ARID1B: variants seen among roughly 807,000 people sequenced by gnomAD.
ARID1B encodes AT-rich interaction domain 1B.
In ARID1B, 30 loss-of-function variants were observed where a neutral mutation model predicts 212.3. The ratio of observed to expected loss-of-function variants is 0.14; its 90% CI spans 0.11 to 0.19. ARID1B has a LOEUF of 0.19. Ranked by LOEUF, ARID1B falls within the 10% of genes least tolerant of loss-of-function variation. The pLI is 1.00. For synonymous variants in ARID1B, 1,402 were observed against 1,301.7 expected, an observed-to-expected ratio of 1.08 and a Z score of -1.66; for missense variants, 2,891 against 3,204.0, an observed-to-expected ratio of 0.90 and a Z score of 2.36.
intron 4 of ARID1B, among the ~76,000 whole-genome samples, chr6:156,986,118 A>G (rs532851068): frequency 8.5e-5 from 13 of 152,218 alleles, no homozygotes; most frequent in African/African-American, 3.1e-4. Context: ...TCTAGGGAGG[A>G]TCTCTAGCTC....
intron 3 of ARID1B, among the ~76,000 whole-genome samples, chr6:156,932,345 T>C (rs1399576213): frequency 6.6e-6 from 1 of 152,176 alleles, no homozygotes; most frequent in Non-Finnish European, 1.5e-5. Context: ...ACAGTACTGA[T>C]GAATTCTGAA....
At chr6:157,106,905 G>A (rs188730078) in intron 5 of ARID1B, among the ~76,000 whole-genome samples, 127 of 152,284 alleles carry the variant, frequency 8.3e-4, no homozygotes, top group African/African-American at 2.7e-3. Context: ...TAGAATCACC[G>A]TTAGCCGATA....
intron 1 of ARID1B, among the ~76,000 whole-genome samples, chr6:156,818,586 G>A (rs1782137530): frequency 1.3e-5 from 2 of 152,030 alleles, no homozygotes; most frequent in South Asian, 4.1e-4. Context: ...TGAGAGGTGG[G>A]GAAATTGAGG....
At chr6:156,977,968 C>T (rs573463609) in intron 4 of ARID1B, among the ~76,000 whole-genome samples, 1 of 152,294 alleles carries the variant, frequency 6.6e-6, no homozygotes, top group African/African-American at 2.4e-5. Context: ...TTTTCCCTCT[C>T]TGGCGGGTGG....
chr6:156,892,170 G>A (rs1163714476), intron 2 of ARID1B, among the ~76,000 whole-genome samples: 6 of 151,436 alleles, frequency 4.0e-5, no homozygotes, highest in Admixed American at 2.6e-4. Flanking sequence ...AGTGACAGGC[G>A]TGAGCCACCA....
At chr6:156,783,571 G>A (rs1009544178) in intron 1 of ARID1B, among the ~76,000 whole-genome samples, 1 of 152,124 alleles carries the variant, frequency 6.6e-6, no homozygotes, top group Non-Finnish European at 1.5e-5. Flanking sequence ...GATGTAATAG[G>A]AACACTTGCT....
At chr6:156,989,069 CAG>C (rs1778111513) in intron 4 of ARID1B, among the ~76,000 whole-genome samples, 1 of 152,216 alleles carries the variant, frequency 6.6e-6, no homozygotes, top group African/African-American at 2.4e-5. Flanking sequence ...TCTTACAACA[CAG>C]AGAGCTGAGA....
At chr6:156,883,515 ACTTC>A (rs1271143668) in intron 2 of ARID1B, among the ~76,000 whole-genome samples, 2 of 151,922 alleles carry the variant, frequency 1.3e-5, no homozygotes, top group Admixed American at 6.6e-5. Flanking sequence ...TCTGAGCTTT[ACTTC>A]CTTCTCCTCT....
intron 4 of ARID1B, among the ~76,000 whole-genome samples, chr6:157,070,308 T>G (rs1266777027): frequency 6.6e-6 from 1 of 152,192 alleles, no homozygotes; most frequent in African/African-American, 2.4e-5. Flanking sequence ...TCTTCAGATC[T>G]TTTCTCCTTT....
intron 2 of ARID1B, among the ~76,000 whole-genome samples, chr6:156,831,142 C>T (rs1276033193): frequency 2.0e-5 from 3 of 152,096 alleles, no homozygotes; most frequent in Non-Finnish European, 4.4e-5. Flanking sequence ...GGAAGAGTTG[C>T]GATTTTCTCT....
At chr6:157,078,337 T>A (rs1245964514) in intron 4 of ARID1B, among the ~76,000 whole-genome samples, 1 of 152,192 alleles carries the variant, frequency 6.6e-6, no homozygotes, top group African/African-American at 2.4e-5. Flanking sequence ...AAGGGAAACG[T>A]TACTTCCAGA....
intron 4 of ARID1B, among the ~76,000 whole-genome samples, chr6:157,061,439 A>G (rs1166723134): frequency 6.6e-6 from 1 of 152,132 alleles, no homozygotes; most frequent in African/African-American, 2.4e-5. Flanking sequence ...TTTCATAGAG[A>G]ATGGAACAGA....
intron 4 of ARID1B, chr6:156,939,488 A>G (rs1792502417): frequency 1.3e-5 from 2 of 152,140 alleles, no homozygotes; most frequent in Admixed American, 6.5e-5. Context: ...TTTTCATGGT[A>G]TTTATTATGT....
intron 2 of ARID1B, among the ~76,000 whole-genome samples, chr6:156,876,682 T>C (rs1786582822): frequency 6.6e-6 from 1 of 152,204 alleles, no homozygotes; most frequent in Non-Finnish European, 1.5e-5. Flanking sequence ...ACACTTTCTG[T>C]GTGCCCCGTC....
At chr6:156,951,740 G>A (rs1583017706) in intron 4 of ARID1B, among the ~76,000 whole-genome samples, 3 of 152,018 alleles carry the variant, frequency 2.0e-5, no homozygotes, top group African/African-American at 4.8e-5. Flanking sequence ...ACCGCACCTG[G>A]CCAACACTTC....
chr6:156,997,327 A>G (rs1013768759), intron 4 of ARID1B, among the ~76,000 whole-genome samples: 3 of 152,110 alleles, frequency 2.0e-5, no homozygotes, highest in African/African-American at 7.2e-5. Flanking sequence ...AAAACCCTGC[A>G]CTCTGTGTTA....
At chr6:156,862,746 A>G (rs923078011) in intron 2 of ARID1B, among the ~76,000 whole-genome samples, 1 of 152,216 alleles carries the variant, frequency 6.6e-6, no homozygotes, top group South Asian at 2.1e-4. Flanking sequence ...TGTGGGAGCC[A>G]GGAGTGCTTC....
intron 2 of ARID1B, chr6:156,829,839 T>C (rs566162358): frequency 1.3e-5 from 2 of 154,130 alleles, no homozygotes; most frequent in South Asian, 2.1e-4. Flanking sequence ...CATCAAGTTT[T>C]TAAAATTGAA....
At chr6:156,899,169 G>T (rs1465891600) in intron 2 of ARID1B, among the ~76,000 whole-genome samples, 1 of 152,210 alleles carries the variant, frequency 6.6e-6, no homozygotes, top group Non-Finnish European at 1.5e-5. Context: ...ACTTAGGAAG[G>T]CAGTCCTGTT....
Sources: gnomAD v4.1 joint callset for allele counts (sites outside exome capture counted in the v4.1 genomes callset) on GRCh38, gnomAD v4.1.1 for gene constraint, MANE v1.5 for transcripts, NCBI Gene and HGNC (gene_info 2026-07-23, HGNC 2026-07-21) for gene names.